The following SCN3A variants were observed in gnomAD, a reference collection of about 807,000 sequenced individuals.
SCN3A encodes the protein sodium channel protein type 3 subunit alpha.
Under a neutral mutation model 187.6 loss-of-function variants are expected in SCN3A, and 60 were observed. The observed-to-expected ratio is 0.32, with a 90% CI of 0.26 to 0.40. The LOEUF is 0.40. Among genes scored for constraint, SCN3A ranks in the 10% least tolerant of loss-of-function variants. The pLI, the probability that SCN3A is intolerant of heterozygous loss-of-function variation, is 1.00. For synonymous variants in SCN3A, 788 were observed against 829.2 expected, an observed-to-expected ratio of 0.95 and a Z score of 0.85; for missense variants, 1,601 against 2,428.2, an observed-to-expected ratio of 0.66 and a Z score of 7.16.
chr2:165,146,692 G>A lies in SCN3A; in HGVS notation c.1671+47C>T, dbSNP rs769409638. ...CAAAACAAAATACAAAAACTAAAAA[G>A]CAATAGCAATGACAAAGAAACCAGA... On this transcript the variant is annotated intron_variant, in intron 12 of 27. Transcript: ENST00000283254. The A allele has an allele frequency of 5.0e-6, 8 of 1,605,530 alleles. 1 individual carries two copies. The South Asian group carries it at 8.8e-5, about 18-fold the overall frequency.
At chr2:165,127,341 A>G (rs1018083917) in intron 18 of SCN3A, among the ~76,000 whole-genome samples, 1 of 152,102 alleles carries the variant, frequency 6.6e-6, no homozygotes, top group African/African-American at 2.4e-5. Flanking sequence ...GATTACAGGC[A>G]TGAGCCACCA....
At chr2:165,119,850 A>AT (rs1340104164) in intron 18 of SCN3A, 9 of 152,228 alleles carry the variant, frequency 5.9e-5, no homozygotes, top group Non-Finnish European at 1.2e-4. Flanking sequence ...ACTATACTAA[A>AT]TAACTAAATT....
chr2:165,128,859 G>C (rs1462193689), intron 17 of SCN3A, among the ~76,000 whole-genome samples: 1 of 152,040 alleles, frequency 6.6e-6, no homozygotes, highest in Non-Finnish European at 1.5e-5. Context: ...AATATCATGG[G>C]ATATGTGAAA....
At chr2:165,127,500 C>T in intron 18 of SCN3A, 131 bp downstream of exon 18, 3 of 729,426 alleles carry the variant, frequency 4.1e-6, no homozygotes, top group Admixed American at 2.6e-5. Flanking sequence ...TGTGATTTTC[C>T]AACATCACTA....
intron 2 of SCN3A, among the ~76,000 whole-genome samples, chr2:165,180,657 G>C: frequency 6.6e-6 from 1 of 152,104 alleles, no homozygotes; most frequent in South Asian, 2.1e-4. Context: ...AATTCATTAT[G>C]GGTGGACATC....
chr2:165,179,950 A>G (rs1037485140), intron 2 of SCN3A, among the ~76,000 whole-genome samples: 1 of 152,096 alleles, frequency 6.6e-6, no homozygotes, highest in Non-Finnish European at 1.5e-5. Context: ...TGTGGAATAT[A>G]TATATTATTA....
In SCN3A at chr2:165,155,811, G is replaced by C. The variant is rs148689026; in HGVS notation, c.1124C>G (p.Ser375Cys). 24 of 1,613,956 alleles carry C rather than the reference G, an allele frequency of 1.5e-5. No homozygotes were observed. Among genetic ancestry groups the C allele is most frequent in the Middle Eastern group, 3.3e-4 (2 of 6,084 alleles). Residue 375 changes from serine to cysteine, a missense_variant, in exon 10 of 28, where the codon TCT becomes TGT. Around this residue, in one of 11 missense-constraint regions of SCN3A, gnomAD observed 47 missense variants for 105.8 expected, o/e 0.44. Transcript: ENST00000283254. Reference protein sequence around the residue: ...SFDTFSWAFLSLFRLMTQDYW... With the variant: ...SFDTFSWAFLCLFRLMTQDYW... ...GTCTTGAGTCATGAGTCGAAATAGA[G>C]ACAGGAAAGCCCAGCTAAAGGTGTC... is the stretch of plus-strand genomic sequence containing the variant.
chr2:165,153,894 CT>C (rs139053749), intron 11 of SCN3A, among the ~76,000 whole-genome samples: 1 of 151,700 alleles, frequency 6.6e-6, no homozygotes, highest in East Asian at 1.9e-4. Context: ...CACTATACCC[CT>C]AGCTCACACA....
At position 165,127,802 on chromosome 2, in the gene SCN3A, T is replaced by A. The variant is rs762280914; in HGVS notation, c.3222A>T (p.Val1074=). The change falls in exon 18 of 28, where the codon GTA becomes GTT. Residue 1074 remains valine, a synonymous_variant. Coordinates refer to ENST00000283254, the MANE Select transcript of SCN3A (RefSeq NM_006922.4). Reference sequence around the variant, plus strand: ...ATTTTTCAACACTGCTTCCAGTACCTACACCACTGGTGGTTCCATTCCCAT... The same window carrying A: ...ATTTTTCAACACTGCTTCCAGTACCAACACCACTGGTGGTTCCATTCCCAT... ...LRDGNGTTSG[V]GTGSSVEKYV... is the part of the protein sequence containing the mutation. 6.2e-7 allele frequency: 1 copy of A among 1,614,192 alleles called. No homozygotes were observed. The highest frequency in any genetic ancestry group is 8.5e-7 in the Non-Finnish European group (1 of 1,180,018).
In SCN3A at chr2:165,133,043, A is replaced by C. The variant is rs553162245; in HGVS notation, c.2392-1626T>G. On this transcript the variant is annotated intron_variant, in intron 15 of 27. Coordinates refer to ENST00000283254, the MANE Select transcript of SCN3A (RefSeq NM_006922.4). ...AACACATGAAAAAATGCTCACCATC[A>C]CTGGCCATCAGAGAAATGCAAATCA... Among the ~76,000 whole-genome samples the C allele has an allele frequency of 5.0e-3, 764 of 152,322 alleles. 13 individuals are homozygous for C. Among genetic ancestry groups the C allele is most frequent in the African/African-American group, 0.018 (728 of 41,574 alleles).
At chr2:165,188,131 A>G (rs925264547) in intron 1 of SCN3A, among the ~76,000 whole-genome samples, 1 of 152,154 alleles carries the variant, frequency 6.6e-6, no homozygotes, top group African/African-American at 2.4e-5. Flanking sequence ...CGAAGAGGGA[A>G]TAAGGAGGAG....
chr2:165,129,925 G>A lies in SCN3A; in HGVS notation c.2922+15C>T. The A allele has an allele frequency of 6.2e-7, 1 of 1,613,726 alleles. No homozygotes were observed. The highest frequency in any genetic ancestry group is 8.5e-7 in the Non-Finnish European group (1 of 1,179,694). ...CTCTTGTTCTAATTTATGAGCATTT[G>A]TACTACATACATACCACAAGGTTTC... is the stretch of plus-strand genomic sequence containing the variant. On this transcript the variant is annotated intron_variant, in intron 17 of 27. Coordinates refer to ENST00000283254, the MANE Select transcript of SCN3A (RefSeq NM_006922.4).
chr2:165,179,706 G>C (rs1351997593), intron 2 of SCN3A: 1 of 152,202 alleles, frequency 6.6e-6, no homozygotes, highest in African/African-American at 2.4e-5. Flanking sequence ...AAGAGAATTA[G>C]GGTTTGCCCA....
intron 15 of SCN3A, among the ~76,000 whole-genome samples, chr2:165,132,291 A>G (rs1488507145): frequency 6.6e-6 from 1 of 152,184 alleles, no homozygotes; most frequent in African/African-American, 2.4e-5. Context: ...TTTAAAGTTC[A>G]TATGGAACCA....
At position 165,088,219 on chromosome 2, in the gene SCN3A, C is replaced by T. The variant is rs982118044; in HGVS notation, c.*1931G>A. On this transcript the variant is annotated 3_prime_UTR_variant, in exon 28 of 28. Transcript: ENST00000283254. ...TCTTTTTAGCAATAGCAATTCCCTG[C>T]ATGCAGTTCTTCAATACACTACAGT... 6.6e-6 allele frequency: 1 copy of T among 152,486 alleles called. No homozygotes were observed. The highest frequency in any genetic ancestry group is 2.4e-5 in the African/African-American group (1 of 41,426). The allele number at this position is 152,486 out of a possible 1,614,324, so 9.4% of individuals were successfully genotyped here. A position where few individuals can be genotyped will look rare whatever the true frequency, so the allele number is the denominator to read the frequency against.
rs1685338010 is a variant in SCN3A at position 165,095,781 on chromosome 2, C to G, written c.4294-133G>C. 3 of 530,422 alleles carry G rather than the reference C, an allele frequency of 5.7e-6. No homozygotes were observed. The South Asian group carries it at 1.0e-4, about 18-fold the overall frequency. The allele number at this position is 530,422 out of a possible 1,614,324, so 32.9% of individuals were successfully genotyped here. A position where few individuals can be genotyped will look rare whatever the true frequency, so the allele number is the denominator to read the frequency against. ...ACCCTGAGATATTGTTCTACAAAAACAATTTTTTAAAACTAGTATGATCTA... is the reference window on the plus strand; with the variant it reads ...ACCCTGAGATATTGTTCTACAAAAAGAATTTTTTAAAACTAGTATGATCTA... On this transcript the variant is annotated intron_variant, in intron 24 of 27. Coordinates refer to ENST00000283254, the MANE Select transcript of SCN3A (RefSeq NM_006922.4).
At position 165,180,152 on chromosome 2, in the gene SCN3A, A is replaced by G. The variant is rs1030538794; in HGVS notation, c.-50-3708T>C. The stretch of plus-strand genomic sequence containing the variant: ...AAATACATCCCTTTGTTAACTAGTA[A>G]AAAGATTATGGTTCAGTATATCATA... On this transcript the variant is annotated intron_variant, in intron 2 of 27. Transcript: ENST00000283254. 1.3e-3 allele frequency among the ~76,000 whole-genome samples: 194 copies of G among 152,272 alleles called. 1 individual carries two copies. Among genetic ancestry groups the G allele is most frequent in the African/African-American group, 4.6e-3 (190 of 41,548 alleles).
intron 11 of SCN3A, among the ~76,000 whole-genome samples, chr2:165,154,057 C>A (rs1160071620): frequency 8.0e-6 from 1 of 125,778 alleles, no homozygotes; most frequent in African/African-American, 3.1e-5. Flanking sequence ...TATAAAGTCT[C>A]TTGTCAACCT....
chr2:165,133,010 A>T (rs1376933495), intron 15 of SCN3A, among the ~76,000 whole-genome samples: 1 of 152,242 alleles, frequency 6.6e-6, no homozygotes, highest in East Asian at 1.9e-4. Flanking sequence ...ACATTTATGC[A>T]GCCAAAAAAC....
Sources: allele counts gnomAD v4.1 joint callset (sites outside exome capture counted in the v4.1 genomes callset), GRCh38; gene constraint gnomAD v4.1.1; regional missense constraint gnomAD v4.1.1; transcripts MANE v1.5; gene names NCBI Gene and HGNC (gene_info 2026-07-23, HGNC 2026-07-21).